The following DNAJC17 variants were observed in gnomAD, a reference collection of about 807,000 sequenced individuals.
DNAJC17 encodes the protein dnaJ homolog subfamily C member 17.
DNAJC17 carries 35 observed loss-of-function variants against 48.1 expected under a neutral mutation model. The ratio of observed to expected loss-of-function variants is 0.73; its 90% CI spans 0.56 to 0.96. DNAJC17 has a LOEUF of 0.96. DNAJC17 is among the 50% of genes least tolerant of loss of function. The pLI, the probability that DNAJC17 is intolerant of heterozygous loss-of-function variation, is 0.00. For missense variants in DNAJC17, 355 were observed against 377.1 expected (o/e 0.94, Z 0.48); for synonymous variants, 117 against 142.7 (o/e 0.82, Z 1.28).
rs1308963999 is a variant in DNAJC17, at chr15:40,779,622, A to C, written c.149-19T>G. 6.2e-7 allele frequency: 1 copy of C among 1,613,762 alleles called. No homozygotes were observed. The highest frequency in any genetic ancestry group is 8.5e-7 in the Non-Finnish European group (1 of 1,179,894). ...AGTTCAGCTAAACATAAGGATCAAAAAGACAGAAGAAAAATAAAGTTAAGA... is the reference window on the plus strand; with the variant it reads ...AGTTCAGCTAAACATAAGGATCAAACAGACAGAAGAAAAATAAAGTTAAGA... On this transcript the variant is annotated intron_variant, in intron 2 of 10. Transcript: ENST00000220496.
intron 1 of DNAJC17, among the ~76,000 whole-genome samples, chr15:40,805,561 G>C (rs1257816057): frequency 4.0e-5 from 5 of 124,136 alleles, no homozygotes; most frequent in African/African-American, 1.5e-4. Flanking sequence ...AATAATAATA[G>C]GCCGGGCACG....
intron 1 of DNAJC17, among the ~76,000 whole-genome samples, chr15:40,781,932 AATTT>A (rs1889506545): frequency 6.6e-6 from 1 of 151,606 alleles, no homozygotes; most frequent in African/African-American, 2.4e-5. Flanking sequence ...AAAAAAAAAA[AATTT>A]TTTTTTGTCA....
rs1889096670 is a variant in DNAJC17, at chr15:40,770,459, G to A, written c.793-2397C>T. On this transcript the variant is annotated intron_variant, in intron 10 of 10. Transcript: ENST00000220496. The surrounding 1 kb of genome is among the most constrained non-coding windows in gnomAD (Gnocchi z 5.0). ...AGCAGGGACCACATGCACCCTGGCT[G>A]CTCCTGAACACCTGTCTGCTGGCTC... The A allele has an allele frequency of 1.3e-6, 2 of 1,520,192 alleles. No individual in the cohort carries two copies. The highest frequency in any genetic ancestry group is 8.8e-7 in the Non-Finnish European group (1 of 1,133,382). 94.2% of individuals were successfully genotyped at this position (1,520,192 alleles called of 1,614,324 possible).
At chr15:40,803,067 ACTCC>A in intron 1 of DNAJC17, among the ~76,000 whole-genome samples, 1 of 149,568 alleles carries the variant, frequency 6.7e-6, no homozygotes, top group East Asian at 2.0e-4. Context: ...CATGCCACTG[ACTCC>A]AGCGTGGGTA....
Position 40,770,485 on chromosome 15 carries a change from C to T in DNAJC17, c.793-2423G>A. The T allele has an allele frequency of 6.5e-7, 1 of 1,544,916 alleles. No homozygotes were observed. The highest frequency in any genetic ancestry group is 8.7e-7 in the Non-Finnish European group (1 of 1,144,456). On this transcript the variant is annotated intron_variant, in intron 10 of 10. Coordinates refer to ENST00000220496, the MANE Select transcript of DNAJC17 (RefSeq NM_018163.3). The surrounding 1 kb of genome is among the most constrained non-coding windows in gnomAD (Gnocchi z 5.0). ...CTCCTGAACACCTGTCTGCTGGCTC[C>T]CCTGGGCCCCATGGAGACCTGGCGG...
At chr15:40,784,216 CA>C (rs796076995) in intron 1 of DNAJC17, among the ~76,000 whole-genome samples, 78 of 142,080 alleles carry the variant, frequency 5.5e-4, no homozygotes, top group Admixed American at 6.3e-4. Context: ...AATTCTGTCT[CA>C]AAAAAAAAAA....
rs532280815 is a variant in DNAJC17, at chr15:40,781,369, G to A, written c.79-1372C>T. On this transcript the variant is annotated intron_variant, in intron 1 of 10. Coordinates refer to ENST00000220496, the MANE Select transcript of DNAJC17 (RefSeq NM_018163.3). ...ACAAAAATTAGCCGGGCATGGTGGCGTGCACCTGTAGACCCAGCTACTTGG... is the reference window on the plus strand; with the variant it reads ...ACAAAAATTAGCCGGGCATGGTGGCATGCACCTGTAGACCCAGCTACTTGG... 1.1e-4 allele frequency among the ~76,000 whole-genome samples: 17 copies of A among 150,304 alleles called. No homozygotes were observed. In the East Asian group the frequency reaches 3.0e-3, roughly 27 times the overall value.
chr15:40,804,541 A>G (rs1355493414), intron 1 of DNAJC17, among the ~76,000 whole-genome samples: 1 of 152,164 alleles, frequency 6.6e-6, no homozygotes, highest in East Asian at 1.9e-4. Context: ...GGCTGCAGTG[A>G]GCTGTGATTG....
chr15:40,770,611 C>T lies in DNAJC17; in HGVS notation c.793-2549G>A. 6.4e-7 allele frequency: 1 copy of T among 1,550,696 alleles called. No homozygotes were observed. ...AGTGTGCTTAGCCAGGCCAGCACAG[C>T]AGGTGGGGACCACGAGGAGTACAGC... On this transcript the variant is annotated intron_variant, in intron 10 of 10. Coordinates refer to ENST00000220496, the MANE Select transcript of DNAJC17 (RefSeq NM_018163.3). This position sits in a 1 kb window ranked among gnomAD's most constrained non-coding sequence, Gnocchi z 5.0.
At chr15:40,780,140 G>A in intron 1 of DNAJC17, 143 bp from the exon 2 acceptor site, 1 of 803,600 alleles carries the variant, frequency 1.2e-6, no homozygotes, top group Non-Finnish European at 2.1e-6. Context: ...CAGGGAGACT[G>A]GCAATGGAGG....
chr15:40,776,137 C>T (rs1889311427), intron 6 of DNAJC17, 59 bp downstream of exon 6: 11 of 1,547,450 alleles, frequency 7.1e-6, no homozygotes, highest in African/African-American at 2.7e-5. Flanking sequence ...CCAGTGTGGC[C>T]GCTCTGAGCA....
chr15:40,773,053 C>T (rs937386717), intron 10 of DNAJC17, among the ~76,000 whole-genome samples: 1 of 151,814 alleles, frequency 6.6e-6, no homozygotes, highest in Non-Finnish European at 1.5e-5. Context: ...CTCTGCCTCC[C>T]TGGTTCAAGC....
At chr15:40,782,327 G>A (rs1438911672) in intron 1 of DNAJC17, among the ~76,000 whole-genome samples, 1 of 152,074 alleles carries the variant, frequency 6.6e-6, no homozygotes, top group Admixed American at 6.6e-5. Flanking sequence ...AGGTTGAGGA[G>A]GGAGGATCAC....
chr15:40,777,688 A>G (rs1889370410), intron 4 of DNAJC17, among the ~76,000 whole-genome samples: 1 of 151,892 alleles, frequency 6.6e-6, no homozygotes, highest in South Asian at 2.1e-4. Context: ...ACTGCACTCC[A>G]GCCTGGGCAA....
intron 1 of DNAJC17, among the ~76,000 whole-genome samples, chr15:40,788,956 G>A (rs1317431761): frequency 1.3e-5 from 2 of 152,158 alleles, no homozygotes; most frequent in East Asian, 3.9e-4. Context: ...TATTGGGACA[G>A]CACTACAGAG....
intron 1 of DNAJC17, among the ~76,000 whole-genome samples, chr15:40,789,417 C>T (rs925638404): frequency 6.6e-6 from 1 of 151,910 alleles, no homozygotes; most frequent in African/African-American, 2.4e-5. Context: ...CCACTTGAAA[C>T]CCAGTCTACA....
At chr15:40,774,696 C>T (rs1181513817) in intron 8 of DNAJC17, among the ~76,000 whole-genome samples, 1 of 152,248 alleles carries the variant, frequency 6.6e-6, no homozygotes, top group Non-Finnish European at 1.5e-5. Context: ...GCATAGCGTC[C>T]TTGCTAGTTG....
At chr15:40,806,306 C>A (rs1890222333) in intron 1 of DNAJC17, among the ~76,000 whole-genome samples, 1 of 150,392 alleles carries the variant, frequency 6.6e-6, no homozygotes, top group Non-Finnish European at 1.5e-5. Flanking sequence ...GCAACCTCCG[C>A]CTCCCGGGTT....
rs368287645 is a variant in DNAJC17 at position 40,770,528 on chromosome 15, C to T, written c.793-2466G>A. On this transcript the variant is annotated intron_variant, in intron 10 of 10. Transcript: ENST00000220496. This position sits in a 1 kb window ranked among gnomAD's most constrained non-coding sequence, Gnocchi z 5.0. ...CCTGGCGGAAAGGCTCCTTCCGCAA[C>T]GCCTCCTTCTTCAAGCAGCTGAGCC... The T allele has an allele frequency of 1.2e-5, 18 of 1,550,342 alleles. No homozygotes were observed. Among genetic ancestry groups the T allele is most frequent in the African/African-American group, 5.5e-5 (4 of 73,038 alleles).
Sources: allele counts gnomAD v4.1 joint callset (sites outside exome capture counted in the v4.1 genomes callset), GRCh38; gene constraint gnomAD v4.1.1; non-coding constraint Gnocchi (gnomAD v3.1); transcripts MANE v1.5; gene names NCBI Gene and HGNC (gene_info 2026-07-23, HGNC 2026-07-21).